AKAP13: variants seen among roughly 807,000 people sequenced by gnomAD.
The protein encoded by AKAP13 is A-kinase anchoring protein 13.
In AKAP13, 80 loss-of-function variants were observed where a neutral mutation model predicts 264.5. The ratio of observed to expected loss-of-function variants is 0.30; its 90% CI spans 0.25 to 0.36. The LOEUF (loss-of-function observed/expected upper bound fraction) is 0.36. AKAP13 is among the 10% of genes least tolerant of loss of function. AKAP13 has a pLI of 1.00. For synonymous variants in AKAP13, 1,380 were observed against 1,250.2 expected, an observed-to-expected ratio of 1.10 and a Z score of -2.19; for missense variants, 3,712 against 3,435.2, an observed-to-expected ratio of 1.08 and a Z score of -2.01.
At chr15:85,627,652 C>T (rs188639898) in intron 8 of AKAP13, 153 of 152,334 alleles carry the variant, frequency 1.0e-3, no homozygotes, top group African/African-American at 3.5e-3. Context: ...CTTCCTTGCT[C>T]AGTTTACATT....
At chr15:85,487,880 C>T (rs936032246) in intron 2 of AKAP13, among the ~76,000 whole-genome samples, 9 of 150,368 alleles carry the variant, frequency 6.0e-5, no homozygotes, top group African/African-American at 1.2e-4. Flanking sequence ...TACAGGTGTG[C>T]GCCATCATGC....
At chr15:85,735,526 T>C (rs1352316247) in intron 31 of AKAP13, 34 bp from the exon 32 acceptor site, 1 of 1,569,156 alleles carries the variant, frequency 6.4e-7, no homozygotes, top group Non-Finnish European at 8.7e-7. Flanking sequence ...GTTTCACAAC[T>C]TTAAAAAAAA....
At chr15:85,463,848 G>A (rs1432763049) in intron 1 of AKAP13, among the ~76,000 whole-genome samples, 2 of 151,700 alleles carry the variant, frequency 1.3e-5, no homozygotes, top group East Asian at 3.9e-4. Flanking sequence ...TGGTGGCAGT[G>A]CTAGGAGTCA....
intron 2 of AKAP13, among the ~76,000 whole-genome samples, chr15:85,499,911 T>C (rs1015404328): frequency 2.6e-5 from 4 of 152,208 alleles, no homozygotes; most frequent in African/African-American, 9.6e-5. Context: ...TATTATTTTA[T>C]TGCTCTCATT....
Position 85,708,209 on chromosome 15 carries a change from T to G in AKAP13, c.5532+123T>G. 1 of 826,664 alleles carries G rather than the reference T, an allele frequency of 1.2e-6. No individual in the cohort carries two copies. The highest frequency in any genetic ancestry group is 1.8e-6 in the Non-Finnish European group (1 of 541,008). The allele number at this position is 826,664 out of a possible 1,614,324, so 51.2% of individuals were successfully genotyped here. A position where few individuals can be genotyped will look rare whatever the true frequency, so the allele number is the denominator to read the frequency against. On this transcript the variant is annotated intron_variant, in intron 18 of 36. Coordinates refer to ENST00000394518, the MANE Select transcript of AKAP13 (RefSeq NM_007200.5). The surrounding 1 kb of genome is among the most constrained non-coding windows in gnomAD (Gnocchi z 4.3). Reference sequence around the variant, plus strand: ...TATTTTAATCATTTGGTACCAACTTTGAGAACAAATTATAACTAAAAAATA... The same window carrying G: ...TATTTTAATCATTTGGTACCAACTTGGAGAACAAATTATAACTAAAAAATA...
intron 3 of AKAP13, among the ~76,000 whole-genome samples, chr15:85,526,704 C>T (rs993446235): frequency 8.5e-5 from 13 of 152,210 alleles, no homozygotes; most frequent in African/African-American, 2.7e-4. Context: ...TGACACCCCC[C>T]ATCCCCCAGC....
intron 1 of AKAP13, among the ~76,000 whole-genome samples, chr15:85,389,616 G>A (rs901580218): frequency 6.6e-6 from 1 of 152,148 alleles, no homozygotes; most frequent in African/African-American, 2.4e-5. Context: ...AAAATCTTTG[G>A]GGGTATAAAT....
intron 8 of AKAP13, among the ~76,000 whole-genome samples, chr15:85,588,007 A>C (rs2079430878): frequency 6.8e-6 from 1 of 147,554 alleles, no homozygotes; most frequent in Admixed American, 6.9e-5. Flanking sequence ...TTTAGATTCC[A>C]TGGTGGTCAA....
intron 4 of AKAP13, chr15:85,535,334 A>G (rs2077354545): frequency 6.6e-6 from 1 of 152,240 alleles, no homozygotes; most frequent in Non-Finnish European, 1.5e-5. Flanking sequence ...ACGGTGTCCC[A>G]TACTGTCAGG....
At chr15:85,707,651 C>G (rs62022939) in intron 17 of AKAP13, among the ~76,000 whole-genome samples, 21,997 of 152,196 alleles carry the variant, frequency 0.14, 2,161 homozygotes, top group Non-Finnish European at 0.22. Flanking sequence ...CTGAAAAGTT[C>G]CAGACTTACT....
At chr15:85,662,726 T>G (rs11637216) in intron 12 of AKAP13, among the ~76,000 whole-genome samples, 22,787 of 152,258 alleles carry the variant, frequency 0.15, 2,300 homozygotes, top group Middle Eastern at 0.3. Context: ...TTGGTTTGTC[T>G]TGATTTTCAG....
At chr15:85,710,220 G>A (rs1206214124) in intron 18 of AKAP13, among the ~76,000 whole-genome samples, 1 of 152,204 alleles carries the variant, frequency 6.6e-6, no homozygotes, top group Non-Finnish European at 1.5e-5. Flanking sequence ...TACTGGGGAA[G>A]ACGGACAGTT....
Position 85,719,254 on chromosome 15 carries a change from G to C in AKAP13, c.6180G>C (p.Lys2060Asn). ...TCTTCCAGAGGATTCTGGAGCGGAA[G>C]AAGGAGTCTCTGGTGGATAAAAGTG... ...SQFFQRILER[K>N]KESLVDKSEK... The change falls in exon 23 of 37, where the codon AAG (lysine) becomes AAC (asparagine). Residue 2060 changes from lysine (K) to asparagine (N), a missense_variant. Lys to Asn is a moderately conservative substitution (Grantham distance 94). Around this residue, in one of 3 missense-constraint regions of AKAP13, gnomAD observed 342 missense variants for 484.3 expected, o/e 0.71. Coordinates refer to ENST00000394518, the MANE Select transcript of AKAP13 (RefSeq NM_007200.5). 1 of 1,614,210 alleles carries C rather than the reference G, an allele frequency of 6.2e-7. No homozygotes were observed. Among genetic ancestry groups the C allele is most frequent in the Non-Finnish European group, 8.5e-7 (1 of 1,180,040 alleles).
At chr15:85,527,178 T>C (rs527566604) in intron 3 of AKAP13, among the ~76,000 whole-genome samples, 2 of 152,154 alleles carry the variant, frequency 1.3e-5, no homozygotes, top group African/African-American at 2.4e-5. Flanking sequence ...TTAGCCAGGA[T>C]GGTCTTGATC....
chr15:85,680,943 G>A (rs1191105677), intron 14 of AKAP13, among the ~76,000 whole-genome samples: 1 of 152,004 alleles, frequency 6.6e-6, no homozygotes, highest in African/African-American at 2.4e-5. Flanking sequence ...TCAGCCTCCC[G>A]AGTAGCTGGG....
chr15:85,525,447 C>T (rs2077001691), intron 3 of AKAP13, among the ~76,000 whole-genome samples: 1 of 152,240 alleles, frequency 6.6e-6, no homozygotes, highest in South Asian at 2.1e-4. Context: ...AAAAGAATGT[C>T]CTGTCTTTTG....
At chr15:85,569,649 C>T (rs933835932) in intron 5 of AKAP13, among the ~76,000 whole-genome samples, 15 of 151,798 alleles carry the variant, frequency 9.9e-5, no homozygotes, top group South Asian at 8.3e-4. Flanking sequence ...GAGGGGGTTT[C>T]GCCATGTTGG....
chr15:85,744,379 A>C, intron 36 of AKAP13: 1 of 488,652 alleles, frequency 2.0e-6, no homozygotes, highest in South Asian at 2.2e-5. Context: ...AAGAAAAAGT[A>C]CATTTTCCTG....
intron 19 of AKAP13, among the ~76,000 whole-genome samples, chr15:85,713,465 T>TCCGCTCAGTG (rs1437048538): frequency 4.0e-5 from 6 of 151,218 alleles, no homozygotes; most frequent in Non-Finnish European, 8.8e-5. Flanking sequence ...TCAGATTTTA[T>TCCGCTCAGTG]CCGCTCAGTG....
Sources: allele counts gnomAD v4.1 joint callset (sites outside exome capture counted in the v4.1 genomes callset), GRCh38; gene constraint gnomAD v4.1.1; regional missense constraint gnomAD v4.1.1; non-coding constraint Gnocchi (gnomAD v3.1); transcripts MANE v1.5; gene names NCBI Gene and HGNC (gene_info 2026-07-23, HGNC 2026-07-21).